Variants in NUP93 observed in about 807,000 individuals in gnomAD.
NUP93 encodes the protein nuclear pore complex protein Nup93.
In NUP93, 55 loss-of-function variants were observed where a neutral mutation model predicts 107.8. The observed-to-expected ratio is 0.51, with a 90% confidence interval of 0.41 to 0.64. The LOEUF (loss-of-function observed/expected upper bound fraction) is 0.64, where lower values mean the gene tolerates loss of function less well. Ranked by LOEUF, NUP93 falls within the 30% of genes least tolerant of loss-of-function variation. The pLI is 0.00. For synonymous variants in NUP93, 390 were observed against 397.5 expected, an observed-to-expected ratio of 0.98 and a Z score of 0.22; for missense variants, 937 against 1,044.7, an observed-to-expected ratio of 0.90 and a Z score of 1.42.
In NUP93 at chr16:56,834,631, AT is replaced by A. The variant is rs547293572; in HGVS notation, c.1738-102del. ...CTGATTTTTAGTTTGCCTAAGACTT[AT>A]CCCATTCATCCCATTTGATTCCCCT... On this transcript the variant is annotated intron_variant, in intron 15 of 21. Transcript: ENST00000308159. The A allele has an allele frequency of 3.0e-4, 341 of 1,118,040 alleles. 2 individuals are homozygous for A. In the African/African-American group the frequency reaches 3.9e-3, roughly 13 times the overall value. The allele number at this position is 1,118,040 out of a possible 1,614,324, so 69.3% of individuals were successfully genotyped here.
intron 2 of NUP93, among the ~76,000 whole-genome samples, chr16:56,757,109 G>T (rs1962038452): frequency 6.6e-6 from 1 of 152,162 alleles, no homozygotes; most frequent in East Asian, 1.9e-4. Context: ...GTAATCTGTT[G>T]CTGTAGTATT....
chr16:56,821,390 C>T, intron 6 of NUP93, 114 bp from the exon 7 acceptor site: 1 of 686,874 alleles, frequency 1.5e-6, no homozygotes, highest in Non-Finnish European at 2.5e-6. Flanking sequence ...GGCTCAGCCA[C>T]TCCGAGGAAG....
rs1410292956 is a variant in NUP93, at chr16:56,758,354, T to C, written c.180-184T>C. On this transcript the variant is annotated intron_variant, in intron 2 of 21. Transcript: ENST00000308159. ...TCTGTTACTACAAAGTACAGTGTTA[T>C]GGCTCTTATTCCAGGTGATGTCTAT... 2.6e-5 allele frequency among the ~76,000 whole-genome samples: 4 copies of C among 152,366 alleles called. No individual in the cohort carries two copies. The South Asian group carries it at 6.2e-4, about 24-fold the overall frequency.
intron 5 of NUP93, among the ~76,000 whole-genome samples, chr16:56,817,975 GTAATATAT>G (rs1446006491): frequency 6.6e-6 from 1 of 152,144 alleles, no homozygotes; most frequent in Non-Finnish European, 1.5e-5. Flanking sequence ...CTATTTTTAA[GTAATATAT>G]GACTGTATTT....
intron 3 of NUP93, among the ~76,000 whole-genome samples, chr16:56,766,224 TAAAG>T (rs1962214030): frequency 6.6e-6 from 1 of 152,152 alleles, no homozygotes; most frequent in Admixed American, 6.5e-5. Flanking sequence ...ATTACCAACT[TAAAG>T]AAGAAAGAAG....
chr16:56,816,448 A>G (rs561673317), intron 5 of NUP93, among the ~76,000 whole-genome samples: 1 of 152,138 alleles, frequency 6.6e-6, no homozygotes, highest in African/African-American at 2.4e-5. Context: ...GCCGTCAGGG[A>G]CCCAACACCT....
intron 7 of NUP93, 67 bp from the exon 8 acceptor site, chr16:56,823,640 G>T: frequency 1.3e-6 from 2 of 1,573,436 alleles, no homozygotes; most frequent in Middle Eastern, 1.7e-4. Context: ...AGGTCAGAGT[G>T]CCACAAAGAA....
rs139512575 is a variant in NUP93, at chr16:56,796,150, C to T, written c.298-2326C>T. On this transcript the variant is annotated intron_variant, in intron 3 of 21. Transcript: ENST00000308159. ...TTATCCTGCCTCCCGACCTGCCTCC[C>T]CCACCTTCTTAAAAAGACTGAACAG... 3.0e-3 allele frequency among the ~76,000 whole-genome samples: 455 copies of T among 152,270 alleles called. 1 individual carries two copies. The highest frequency in any genetic ancestry group is 9.6e-3 in the African/African-American group (397 of 41,554).
rs151278178 is a variant in NUP93, at chr16:56,815,517, T to C, written c.490-3147T>C. The stretch of plus-strand genomic sequence containing the variant: ...TCAGCCTGCACAAAGTGAAATACTT[T>C]AGGTCATATTTCTGAGGTGTCCATA... On this transcript the variant is annotated intron_variant, in intron 5 of 21. Coordinates refer to ENST00000308159, the MANE Select transcript of NUP93 (RefSeq NM_014669.5). Among the ~76,000 whole-genome samples, 353 of 152,336 alleles carry C rather than the reference T, an allele frequency of 2.3e-3. 2 individuals carry two copies. The highest frequency in any genetic ancestry group is 7.9e-3 in the African/African-American group (330 of 41,572).
chr16:56,797,320 G>A (rs367634853), intron 3 of NUP93, among the ~76,000 whole-genome samples: 2 of 152,308 alleles, frequency 1.3e-5, no homozygotes, highest in African/African-American at 4.8e-5. Context: ...GAGTATAGGT[G>A]GATCTGATGT....
At chr16:56,801,072 T>G (rs1232495216) in intron 4 of NUP93, among the ~76,000 whole-genome samples, 1 of 152,252 alleles carries the variant, frequency 6.6e-6, no homozygotes, top group Non-Finnish European at 1.5e-5. Flanking sequence ...CCTTTTAATT[T>G]TTAGATCTCT....
At chr16:56,819,480 A>G (rs1265311402) in intron 6 of NUP93, among the ~76,000 whole-genome samples, 1 of 152,174 alleles carries the variant, frequency 6.6e-6, no homozygotes, top group African/African-American at 2.4e-5. Flanking sequence ...CTCCACCAGC[A>G]GTGGTCCAGG....
chr16:56,830,403 C>A, intron 9 of NUP93, 125 bp from the exon 10 acceptor site: 1 of 862,780 alleles, frequency 1.2e-6, no homozygotes, highest in Non-Finnish European at 1.7e-6. Context: ...GTTCTCACTG[C>A]AGGGAGCTGT....
intron 3 of NUP93, among the ~76,000 whole-genome samples, chr16:56,783,208 G>A (rs1567386587): frequency 6.6e-6 from 1 of 152,214 alleles, no homozygotes; most frequent in African/African-American, 2.4e-5. Context: ...GACCTGTGGG[G>A]TCTGGACCTC....
At chr16:56,754,457 G>A (rs1006922889) in intron 2 of NUP93, among the ~76,000 whole-genome samples, 9 of 152,170 alleles carry the variant, frequency 5.9e-5, no homozygotes, top group East Asian at 1.9e-4. Flanking sequence ...GACAAGGCAC[G>A]TCTCTTTGCC....
At chr16:56,758,078 A>C (rs1255482423) in intron 2 of NUP93, among the ~76,000 whole-genome samples, 2 of 151,948 alleles carry the variant, frequency 1.3e-5, no homozygotes, top group Admixed American at 1.3e-4. Flanking sequence ...CTCAGAAAAA[A>C]AAAAAAGTTG....
chr16:56,765,537 G>C (rs1962201892), intron 3 of NUP93, among the ~76,000 whole-genome samples: 1 of 152,174 alleles, frequency 6.6e-6, no homozygotes, highest in South Asian at 2.1e-4. Flanking sequence ...TGGAACACCA[G>C]GTACATTTTA....
chr16:56,836,696 AAAGCTGTATGACCTTGCC>A lies in NUP93; in HGVS notation c.1882_1899del (p.Leu628_Lys633del), dbSNP rs762403631. On this transcript the variant is annotated inframe_deletion, in exon 17 of 22. Coordinates refer to ENST00000308159, the MANE Select transcript of NUP93 (RefSeq NM_014669.5). ...ATAAAGGACTGTTTGAAGAGGCAGCAAAGCTGTATGACCTTGCCAAGGTAAAGTGTGCCCACTTCCTTC... is the reference window on the plus strand; with the variant it reads ...ATAAAGGACTGTTTGAAGAGGCAGCAAAGGTAAAGTGTGCCCACTTCCTTC... 3 of 1,613,446 alleles carry A rather than the reference AAAGCTGTATGACCTTGCC, an allele frequency of 1.9e-6. No individual in the cohort carries two copies. The highest frequency in any genetic ancestry group is 2.5e-6 in the Non-Finnish European group (3 of 1,179,392).
rs535770690 is a variant in NUP93, at chr16:56,768,149, G to A, written c.297+9494G>A. The stretch of plus-strand genomic sequence containing the variant: ...ACTGGGAGCAAACCATTTGTGGACC[G>A]GTGCTCCTTTGACCATATTTTGAGC... On this transcript the variant is annotated intron_variant, in intron 3 of 21. Transcript: ENST00000308159. 3.9e-5 allele frequency among the ~76,000 whole-genome samples: 6 copies of A among 152,252 alleles called. No homozygotes were observed. The East Asian group carries it at 7.7e-4, about 20-fold the overall frequency.
Sources: allele counts gnomAD v4.1 joint callset (sites outside exome capture counted in the v4.1 genomes callset), GRCh38; gene constraint gnomAD v4.1.1; transcripts MANE v1.5; gene names NCBI Gene and HGNC (gene_info 2026-07-23, HGNC 2026-07-21).